CSF2RA: variants seen among roughly 807,000 people sequenced by gnomAD.
The protein encoded by CSF2RA is granulocyte-macrophage colony-stimulating factor receptor subunit alpha.
In CSF2RA, 42 loss-of-function variants were observed where a neutral mutation model predicts 51.6. That is an observed-to-expected ratio of 0.81 (90% CI 0.64 to 1.05). The LOEUF (loss-of-function observed/expected upper bound fraction) is 1.05, where lower values mean the gene tolerates loss of function less well. CSF2RA is among the 50% of genes least tolerant of loss of function. The pLI is 0.00. For synonymous variants in CSF2RA, 222 were observed against 193.0 expected (o/e 1.15, Z -1.24); for missense variants, 530 against 501.1 (o/e 1.06, Z -0.55).
chrX:1,308,424 CGA>C (rs1227523334), intron 12 of CSF2RA, among the ~76,000 whole-genome samples: 117 of 152,020 alleles, frequency 7.7e-4, no homozygotes, highest in Middle Eastern at 3.4e-3. Flanking sequence ...GCAGAGAGAC[CGA>C]GAGAGAGGCT....
At chrX:1,290,886 T>C (rs1262983698) in intron 7 of CSF2RA, among the ~76,000 whole-genome samples, 4 of 152,072 alleles carry the variant, frequency 2.6e-5, no homozygotes, top group Admixed American at 6.6e-5. Context: ...AAAATCTGTG[T>C]AACTTTGGTG....
At chrX:1,323,876 T>C in the CSF2RA span, among the ~76,000 whole-genome samples, 42 of 151,592 alleles carry the variant, frequency 2.8e-4, no homozygotes, top group South Asian at 3.6e-3. Flanking sequence ...TAGCCGGGCG[T>C]GGTGGTGGGC....
chrX:1,281,640 G>GTAT (rs1658197140), intron 2 of CSF2RA, among the ~76,000 whole-genome samples: 1 of 151,760 alleles, frequency 6.6e-6, no homozygotes, highest in African/African-American at 2.4e-5. Context: ...TGAGGTCCAT[G>GTAT]TATTCATCCC....
intron 9 of CSF2RA, among the ~76,000 whole-genome samples, chrX:1,296,285 C>G (rs1307290926): frequency 2.7e-5 from 4 of 149,552 alleles, no homozygotes; most frequent in Non-Finnish European, 1.5e-5. Flanking sequence ...ACCCATGACC[C>G]CTGGCGGAAC....
chrX:1,296,405 A>G (rs375383128), intron 9 of CSF2RA, among the ~76,000 whole-genome samples: 1,458 of 19,782 alleles, frequency 0.074, 23 homozygotes, highest in Middle Eastern at 0.14. Flanking sequence ...GACCCCTGGC[A>G]GAACCCTACA....
chrX:1,281,577 T>C (rs2090080169), intron 2 of CSF2RA, among the ~76,000 whole-genome samples: 1 of 151,938 alleles, frequency 6.6e-6, no homozygotes, highest in African/African-American at 2.4e-5. Context: ...CTTTTTCCTT[T>C]TTTGCATAAA....
intron 1 of CSF2RA, among the ~76,000 whole-genome samples, chrX:1,273,987 T>A (rs1261566495): frequency 2.6e-5 from 4 of 152,110 alleles, no homozygotes; most frequent in African/African-American, 9.7e-5. Flanking sequence ...TCCATCATTC[T>A]TGCTTTGAAT....
downstream of CSF2RA, among the ~76,000 whole-genome samples, chrX:1,311,248 C>G (rs1253875914): frequency 4.7e-5 from 6 of 128,026 alleles, no homozygotes; most frequent in Admixed American, 3.9e-4. Context: ...GATTCTGTCT[C>G]CAAAAAAAAA....
At chrX:1,276,328 C>T (rs2089188381) in intron 2 of CSF2RA, among the ~76,000 whole-genome samples, 2 of 151,610 alleles carry the variant, frequency 1.3e-5, no homozygotes, top group Admixed American at 1.3e-4. Flanking sequence ...GCCACCTCAC[C>T]CAGCCAGCAG....
chrX:1,285,727 A>AG, intron 3 of CSF2RA, 51 bp from the exon 4 acceptor site: 2 of 996,218 alleles, frequency 2.0e-6, no homozygotes, highest in East Asian at 6.2e-5. Context: ...AAAAAAAAAA[A>AG]AAAAGGAAAA....
chrX:1,310,114 G>C, downstream of CSF2RA: 1 of 287,336 alleles, frequency 3.5e-6, no homozygotes, highest in Non-Finnish European at 6.3e-6. Context: ...AGGATCACTT[G>C]AGTTCAAGCT....
At chrX:1,309,300 A>G in intron 12 of CSF2RA, 102 bp from the exon 13 acceptor site, 1 of 1,241,980 alleles carries the variant, frequency 8.1e-7, no homozygotes, top group South Asian at 1.2e-5. Flanking sequence ...GGGCAATAGA[A>G]TGAGACTCCG....
chrX:1,304,378 C>T lies in CSF2RA; in HGVS notation c.1043+359C>T, dbSNP rs113251091. On this transcript the variant is annotated intron_variant, in intron 11 of 12. Transcript: ENST00000381529. ...TTGCACCACTGCACTCCAGCCTGGG[C>T]GACAGGGCGAGACTCCATCTCAAAA... 3.4e-3 allele frequency among the ~76,000 whole-genome samples: 481 copies of T among 140,874 alleles called. 12 individuals carry two copies. Among genetic ancestry groups the T allele is most frequent in the Non-Finnish European group, 3.3e-3 (216 of 65,834 alleles). 92.4% of individuals were successfully genotyped at this position (140,874 alleles called of 152,430 possible).
downstream of CSF2RA, among the ~76,000 whole-genome samples, chrX:1,313,916 G>C (rs1420984040): frequency 2.0e-5 from 3 of 151,436 alleles, no homozygotes; most frequent in Non-Finnish European, 4.4e-5. Context: ...GCTTGAACCT[G>C]GGAGGCAGAG....
chrX:1,323,105 A>G, the CSF2RA span, among the ~76,000 whole-genome samples: 2,892 of 151,828 alleles, frequency 0.019, 85 homozygotes, highest in African/African-American at 0.066. Flanking sequence ...CTCCAGCCTG[A>G]GCGACAGAGC....
At chrX:1,316,655 G>C in the CSF2RA span, among the ~76,000 whole-genome samples, 2 of 152,240 alleles carry the variant, frequency 1.3e-5, no homozygotes, top group East Asian at 3.8e-4. Flanking sequence ...ATCCACGCGG[G>C]AGGGAACACC....
At position 1,309,781 on chromosome X, in the gene CSF2RA, G is replaced by C. The variant is rs776815112; in HGVS notation, c.*302G>C. 1.7e-5 allele frequency: 11 copies of C among 629,764 alleles called. No homozygotes were observed. The highest frequency in any genetic ancestry group is 3.1e-5 in the Non-Finnish European group (11 of 353,402). The allele number at this position is 629,764 out of a possible 1,614,324, so 39.0% of individuals were successfully genotyped here. ...CGGACGCCCATCATCCCAGCTACTT[G>C]GGAGGCTGAGGCAGGAGAATTGCTT... is the stretch of plus-strand genomic sequence containing the variant. On this transcript the variant is annotated 3_prime_UTR_variant, in exon 13 of 13. Coordinates refer to ENST00000381529, the MANE Select transcript of CSF2RA (RefSeq NM_172245.4).
chrX:1,315,897 G>A, the CSF2RA span, among the ~76,000 whole-genome samples: 463 of 151,928 alleles, frequency 3.0e-3, 1 homozygote, highest in Non-Finnish European at 5.5e-3. Flanking sequence ...ACTCTAGATG[G>A]ATAATAGATG....
the CSF2RA span, among the ~76,000 whole-genome samples, chrX:1,315,589 G>C: frequency 6.6e-6 from 1 of 152,018 alleles, no homozygotes; most frequent in African/African-American, 2.4e-5. Context: ...ATTTTTTGTA[G>C]AGACAGGATT....
Sources: allele counts gnomAD v4.1 joint callset (sites outside exome capture counted in the v4.1 genomes callset), GRCh38; gene constraint gnomAD v4.1.1; transcripts MANE v1.5; gene names NCBI Gene and HGNC (gene_info 2026-07-23, HGNC 2026-07-21).